RP2: variants seen among roughly 807,000 people sequenced by gnomAD.
The protein encoded by RP2 is protein XRP2.
RP2 carries 3 observed loss-of-function variants against 20.3 expected under a neutral mutation model. The ratio of observed to expected loss-of-function variants is 0.15; its 90% CI spans 0.07 to 0.38. The LOEUF is 0.38. Ranked by LOEUF, RP2 falls within the 10% of genes least tolerant of loss-of-function variation. The probability of loss-of-function intolerance (pLI) is 1.00; values close to 1 mark genes in which losing one functional copy is unlikely to be tolerated. For missense variants in RP2, 233 were observed against 268.5 expected, an observed-to-expected ratio of 0.87 and a Z score of 0.92; for synonymous variants, 75 against 94.8, an observed-to-expected ratio of 0.79 and a Z score of 1.22.
chrX:46,853,341 A>T, intron 1 of RP2, 135 bp from the exon 2 acceptor site: 1 of 513,847 alleles, frequency 1.9e-6, no homozygotes, highest in Non-Finnish European at 3.2e-6. Context: ...TCATTTTGTT[A>T]CTGTGTTTCA....
At chrX:46,843,157 G>A (rs1924655691) in intron 1 of RP2, among the ~76,000 whole-genome samples, 3 of 109,657 alleles carry the variant, frequency 2.7e-5, no homozygotes, top group African/African-American at 3.3e-5. Context: ...ACAGGCGCCC[G>A]CCGCCACGCC....
At position 46,853,670 on chromosome X, in the gene RP2, C is replaced by T. The variant is rs782310446; in HGVS notation, c.297C>T (p.Ser99=). 5.8e-6 allele frequency: 7 copies of T among 1,211,616 alleles called. No individual in the cohort carries two copies. In the African/African-American group the frequency reaches 8.7e-5, roughly 15 times the overall value. The change falls in exon 2 of 5, where the codon AGC becomes AGT. Residue 99 remains serine, a synonymous_variant. Transcript: ENST00000218340. ...TTTTTCTGGGACCCGTGAAAGGCAGCGTGTTTTTCCGGAATTGCAGAGATT... is the reference window on the plus strand; with the variant it reads ...TTTTTCTGGGACCCGTGAAAGGCAGTGTGTTTTTCCGGAATTGCAGAGATT... ...CIIFLGPVKG[S]VFFRNCRDCK... is the part of the protein sequence containing the mutation.
chrX:46,844,661 C>A (rs1243439634), intron 1 of RP2, among the ~76,000 whole-genome samples: 1 of 111,226 alleles, frequency 9.0e-6, no homozygotes, highest in Admixed American at 9.6e-5. Flanking sequence ...GTCTTTATAG[C>A]AGCATGATTT....
In RP2 at chrX:46,881,118, A is replaced by G. The variant is rs782597116; in HGVS notation, c.*1349A>G. 8.9e-6 allele frequency: 1 copy of G among 111,962 alleles called. No homozygotes were observed. Among genetic ancestry groups the G allele is most frequent in the Non-Finnish European group, 1.9e-5 (1 of 53,222 alleles). 9.2% of individuals were successfully genotyped at this position (111,962 alleles called of 1,213,427 possible). On this transcript the variant is annotated 3_prime_UTR_variant, in exon 5 of 5. Transcript: ENST00000218340. The stretch of plus-strand genomic sequence containing the variant: ...ACTAAAATGTATTTTCATGTTTAAA[A>G]TGTTTTTGGATATTTTTGGGTTAAT...
At chrX:46,841,369 G>C (rs1924619586) in intron 1 of RP2, among the ~76,000 whole-genome samples, 1 of 112,146 alleles carries the variant, frequency 8.9e-6, no homozygotes, top group Non-Finnish European at 1.9e-5. Context: ...AAACTTAATG[G>C]TTTAAAATAA....
Position 46,857,138 on chromosome X carries a change from AT to A in RP2, c.769-2838del, listed in dbSNP as rs199538520. Among the ~76,000 whole-genome samples the A allele has an allele frequency of 5.3e-3, 558 of 105,734 alleles. 2 individuals carry two copies. Among genetic ancestry groups the A allele is most frequent in the Middle Eastern group, 0.029 (6 of 206 alleles). 91.8% of individuals were successfully genotyped at this position (105,734 alleles called of 115,157 possible). On this transcript the variant is annotated intron_variant, in intron 2 of 4. Transcript: ENST00000218340. ...CATTGTTTTAATGCATTAAATAATG[AT>A]TTTTTTTTTTTCGCAATAGGAAGTA...
At chrX:46,847,743 T>TGTGTGTGTGTGTATATACACAC in intron 1 of RP2, among the ~76,000 whole-genome samples, 1 of 87,115 alleles carries the variant, frequency 1.1e-5, no homozygotes, top group Middle Eastern at 5.7e-3. Context: ...TATACACACA[T>TGTGTGTGTGTGTATATACACAC]ATGTGTGTGT....
In RP2 at chrX:46,837,108, G is replaced by A; in HGVS notation, c.8G>A (p.Cys3Tyr). The change falls in exon 1 of 5, where the codon TGC becomes TAC. Residue 3 changes from cysteine (C) to tyrosine (Y), a missense_variant. Cys to Tyr is a radical substitution (Grantham distance 194). Transcript: ENST00000218340. ...GCTCCGCGGGCTGGGACCATGGGCTGCTTCTTCTCCAAGAGACGGAAGGCT... is the reference window on the plus strand; with the variant it reads ...GCTCCGCGGGCTGGGACCATGGGCTACTTCTTCTCCAAGAGACGGAAGGCT... MG[C>Y]FFSKRRKADK... The A allele has an allele frequency of 8.6e-7, 1 of 1,168,608 alleles. No individual in the cohort carries two copies. Among genetic ancestry groups the A allele is most frequent in the Non-Finnish European group, 1.1e-6 (1 of 873,307 alleles).
intron 1 of RP2, among the ~76,000 whole-genome samples, chrX:46,842,039 A>C (rs1924631031): frequency 9.0e-6 from 1 of 111,551 alleles, no homozygotes; most frequent in Non-Finnish European, 1.9e-5. Context: ...CAGCCTCCCA[A>C]GTAGCTGGGA....
intron 1 of RP2, among the ~76,000 whole-genome samples, chrX:46,852,744 G>C (rs1924884614): frequency 9.1e-6 from 1 of 110,197 alleles, no homozygotes; most frequent in Non-Finnish European, 1.9e-5. Flanking sequence ...CACCACGCCT[G>C]GGTAATTTTT....
intron 3 of RP2, among the ~76,000 whole-genome samples, chrX:46,870,538 C>A (rs1208320911): frequency 8.9e-5 from 10 of 111,965 alleles, no homozygotes. Flanking sequence ...CAGGCATGAG[C>A]CACTGTGCCT....
At chrX:46,852,103 G>C (rs1556318235) in intron 1 of RP2, among the ~76,000 whole-genome samples, 3 of 111,454 alleles carry the variant, frequency 2.7e-5, no homozygotes, top group Non-Finnish European at 5.7e-5. Flanking sequence ...AGCTACTTGG[G>C]AGGCTGAGGC....
intron 1 of RP2, among the ~76,000 whole-genome samples, chrX:46,839,071 AAAAC>A (rs1396126582): frequency 1.8e-5 from 2 of 111,555 alleles, no homozygotes; most frequent in Non-Finnish European, 3.8e-5. Flanking sequence ...CATTCTGAAA[AAAAC>A]CCCAGTTTTA....
chrX:46,860,522 AT>A (rs782301193), intron 3 of RP2, among the ~76,000 whole-genome samples: 1 of 112,196 alleles, frequency 8.9e-6, no homozygotes, highest in East Asian at 2.8e-4. Flanking sequence ...GTGGTATACT[AT>A]TTTATGTATT....
At chrX:46,870,155 T>A (rs1273869648) in intron 3 of RP2, among the ~76,000 whole-genome samples, 4 of 111,071 alleles carry the variant, frequency 3.6e-5, no homozygotes, top group African/African-American at 1.3e-4. Flanking sequence ...TCAGCCAGGG[T>A]AGAGTGCAGT....
intron 2 of RP2, among the ~76,000 whole-genome samples, chrX:46,857,001 CTT>C (rs782799812): frequency 9.0e-6 from 1 of 111,715 alleles, no homozygotes; most frequent in African/African-American, 3.3e-5. Flanking sequence ...AAAAATAAAA[CTT>C]GAGTCTTTCT....
chrX:46,854,509 G>A (rs1556318831), intron 2 of RP2, among the ~76,000 whole-genome samples: 1 of 111,473 alleles, frequency 9.0e-6, no homozygotes, highest in Non-Finnish European at 1.9e-5. Context: ...CTGATGATAG[G>A]ATGCCTATTT....
intron 1 of RP2, 27 bp downstream of exon 1, chrX:46,837,229 T>C (rs1235342291): frequency 1.4e-5 from 16 of 1,147,373 alleles, no homozygotes; most frequent in Non-Finnish European, 1.9e-5. Context: ...AGCCGCCGTC[T>C]CAGCCTCCCT....
chrX:46,853,721 A>G lies in RP2; in HGVS notation c.348A>G (p.Gln116=), dbSNP rs781982800. The G allele has an allele frequency of 5.0e-6, 6 of 1,210,367 alleles. No homozygotes were observed. The African/African-American group carries it at 8.7e-5, about 18-fold the overall frequency. ...RDCKCTLACQ[Q]FRVRDCRKLE... is the part of the protein sequence containing the mutation. Reference sequence around the variant, plus strand: ...GCAAGTGCACATTAGCCTGCCAACAATTTCGTGTGCGAGATTGTAGAAAGC... The same window carrying G: ...GCAAGTGCACATTAGCCTGCCAACAGTTTCGTGTGCGAGATTGTAGAAAGC... The change falls in exon 2 of 5, where the codon CAA becomes CAG. Residue 116 remains glutamine, a synonymous_variant. Coordinates refer to ENST00000218340, the MANE Select transcript of RP2 (RefSeq NM_006915.3).
Sources: gnomAD v4.1 joint callset for allele counts (sites outside exome capture counted in the v4.1 genomes callset) on GRCh38, gnomAD v4.1.1 for gene constraint, MANE v1.5 for transcripts, NCBI Gene and HGNC (gene_info 2026-07-23, HGNC 2026-07-21) for gene names.